Variants in CUBN observed in about 807,000 individuals in gnomAD.
CUBN encodes the protein cubilin, also known as 460 kDa receptor.
In CUBN, 282 loss-of-function variants were observed where a neutral mutation model predicts 405.3. That is an observed-to-expected ratio of 0.70 (90% CI 0.63 to 0.77). CUBN has a LOEUF of 0.77. Among genes scored for constraint, CUBN ranks in the 30% least tolerant of loss-of-function variants. The probability of loss-of-function intolerance (pLI) is 0.00; values close to 1 mark genes in which losing one functional copy is unlikely to be tolerated. For synonymous variants in CUBN, 1,684 were observed against 1,617.0 expected (o/e 1.04, Z -0.99); for missense variants, 4,514 against 4,475.2 (o/e 1.01, Z -0.25).
intron 45 of CUBN, among the ~76,000 whole-genome samples, chr10:16,917,391 G>A (rs1841913286): frequency 6.6e-6 from 1 of 151,998 alleles, no homozygotes; most frequent in Admixed American, 6.6e-5. Flanking sequence ...ATGGACCTAT[G>A]ATAAAGTTTG....
At chr10:16,924,820 T>C (rs1842134785) in intron 43 of CUBN, among the ~76,000 whole-genome samples, 1 of 152,136 alleles carries the variant, frequency 6.6e-6, no homozygotes. Context: ...AAAAATTATG[T>C]GTTCTTTTGA....
intron 59 of CUBN, among the ~76,000 whole-genome samples, chr10:16,856,577 T>G (rs1375215041): frequency 6.6e-6 from 1 of 152,232 alleles, no homozygotes; most frequent in Non-Finnish European, 1.5e-5. Flanking sequence ...TACATTCTCT[T>G]GGATAAAACA....
At chr10:17,048,997 TTGA>T (rs1835200562) in intron 22 of CUBN, among the ~76,000 whole-genome samples, 1 of 152,234 alleles carries the variant, frequency 6.6e-6, no homozygotes, top group Non-Finnish European at 1.5e-5. Context: ...CTTTACTTTA[TTGA>T]AGGAATTCAC....
chr10:17,012,519 C>A (rs1834213445), intron 28 of CUBN, among the ~76,000 whole-genome samples: 1 of 152,156 alleles, frequency 6.6e-6, no homozygotes, highest in African/African-American at 2.4e-5. Flanking sequence ...CCTTACTGGA[C>A]AGATTTTGTT....
intron 44 of CUBN, 55 bp downstream of exon 44, chr10:16,919,908 C>T (rs776084769): frequency 5.9e-5 from 91 of 1,555,188 alleles, no homozygotes; most frequent in South Asian, 2.6e-4. Context: ...TGAGACATGA[C>T]GGTTAAAAAA....
chr10:16,982,820 T>C (rs967459775), intron 30 of CUBN, among the ~76,000 whole-genome samples, 167 bp from the exon 31 acceptor site: 3 of 152,184 alleles, frequency 2.0e-5, no homozygotes, highest in Non-Finnish European at 4.4e-5. Context: ...CCCAACAGAA[T>C]AAGAAGGGAT....
chr10:16,836,299 C>T lies in CUBN; in HGVS notation c.10116G>A (p.Met3372Ile), dbSNP rs764190572. The T allele has an allele frequency of 6.2e-7, 1 of 1,613,426 alleles. No homozygotes were observed. Among genetic ancestry groups the T allele is most frequent in the Non-Finnish European group, 8.5e-7 (1 of 1,179,352 alleles). Residue 3372 changes from methionine to isoleucine, a missense_variant, in exon 63 of 67, where the codon ATG becomes ATA. Met to Ile is a conservative substitution (Grantham distance 10). This residue lies in a region of CUBN where 1,186 missense variants were observed against 1,186.9 expected (regional missense o/e 1.00). Transcript: ENST00000377833. ...TTACAACTCCAGATTTGAAAATGAC[C>T]ATTGCAGTACTCATAGAAGAATAAA... Reference protein sequence around the residue: ...PVFYSSMSTAMVIFKSGVVNR... With the variant: ...PVFYSSMSTAIVIFKSGVVNR...
In CUBN at chr10:17,084,294, C is replaced by G. The variant is rs1836046545; in HGVS notation, c.2278G>C (p.Asp760His). The G allele has an allele frequency of 6.2e-7, 1 of 1,613,954 alleles. No homozygotes were observed. Among genetic ancestry groups the G allele is most frequent in the Non-Finnish European group, 8.5e-7 (1 of 1,180,040 alleles). The change falls in exon 17 of 67, where the codon GAC becomes CAC. Residue 760 changes from aspartate (D) to histidine (H), a missense_variant. Transcript: ENST00000377833. Reference protein sequence around the residue: ...FTHVELQCQSDSSQNYIEVRD... With the variant: ...FTHVELQCQSHSSQNYIEVRD... Reference sequence around the variant, plus strand: ...ACCTCAATGTAATTCTGAGAACTGTCACTCTGGCATTGCAGCTCCACGTGG... The same window carrying G: ...ACCTCAATGTAATTCTGAGAACTGTGACTCTGGCATTGCAGCTCCACGTGG...
At chr10:16,916,190 G>A (rs913889243) in intron 45 of CUBN, among the ~76,000 whole-genome samples, 160 bp from the exon 46 acceptor site, 6 of 152,204 alleles carry the variant, frequency 3.9e-5, no homozygotes, top group African/African-American at 1.4e-4. Context: ...AAAACGGTTA[G>A]TGCTTTCCTC....
At chr10:17,127,313 T>G (rs1837221677) in intron 3 of CUBN, among the ~76,000 whole-genome samples, 1 of 145,330 alleles carries the variant, frequency 6.9e-6, no homozygotes, top group Non-Finnish European at 1.5e-5. Flanking sequence ...TTGCCTGGGC[T>G]GGAGCACAGT....
rs373456122 is a variant in CUBN at position 17,105,551 on chromosome 10, A to T, written c.1136T>A (p.Leu379His). The change falls in exon 11 of 67, where the codon CTC becomes CAC. Residue 379 changes from leucine (L) to histidine (H), a missense_variant. Coordinates refer to ENST00000377833, the MANE Select transcript of CUBN (RefSeq NM_001081.4). ...TLGSLPLCTC[L>H]PGYTGNGYGP... The stretch of plus-strand genomic sequence containing the variant: ...ATAACCATTTCCAGTATAACCCGGG[A>T]GACACGTGCAGAGAGGTAAGGAACC... The T allele has an allele frequency of 8.1e-6, 13 of 1,606,582 alleles. No homozygotes were observed. Among genetic ancestry groups the T allele is most frequent in the Non-Finnish European group, 1.1e-5 (13 of 1,173,154 alleles).
intron 36 of CUBN, 102 bp downstream of exon 36, chr10:16,947,133 T>C (rs1325292420): frequency 3.9e-6 from 5 of 1,272,720 alleles, no homozygotes; most frequent in Non-Finnish European, 5.7e-6. Context: ...AAATACTTCC[T>C]AAATTTCACG....
rs1389016955 is a variant in CUBN, at chr10:17,067,127, C to A, written c.3008+937G>T. 4.6e-5 allele frequency among the ~76,000 whole-genome samples: 7 copies of A among 152,130 alleles called. No homozygotes were observed. The South Asian group carries it at 1.0e-3, about 23-fold the overall frequency. On this transcript the variant is annotated intron_variant, in intron 21 of 66. Transcript: ENST00000377833. Reference sequence around the variant, plus strand: ...GTCTGGTATCCCACTGAATATTACCCAGACATGAAAAGACGTGGGAAAGTA... The same window carrying A: ...GTCTGGTATCCCACTGAATATTACCAAGACATGAAAAGACGTGGGAAAGTA...
chr10:16,886,623 C>T (rs1840822587), intron 56 of CUBN, among the ~76,000 whole-genome samples: 1 of 152,150 alleles, frequency 6.6e-6, no homozygotes, highest in African/African-American at 2.4e-5. Flanking sequence ...CTCTACTGTT[C>T]CCTCTGCCAA....
chr10:16,851,922 C>T (rs1297622136), intron 59 of CUBN, among the ~76,000 whole-genome samples: 1 of 133,220 alleles, frequency 7.5e-6, no homozygotes, highest in Admixed American at 7.2e-5. Context: ...CTTTCCCTCC[C>T]TCCCTCTATC....
chr10:16,981,178 GAC>G (rs1401865880), intron 31 of CUBN, among the ~76,000 whole-genome samples: 4 of 145,336 alleles, frequency 2.8e-5, no homozygotes, highest in East Asian at 2.0e-4. Context: ...AGACTCAGCA[GAC>G]ACACACACAC....
intron 6 of CUBN, among the ~76,000 whole-genome samples, chr10:17,120,704 A>C (rs1046803105): frequency 1.8e-4 from 27 of 152,218 alleles, no homozygotes; most frequent in African/African-American, 6.5e-4. Context: ...GTAAATAGTA[A>C]AAGGGTTTTT....
chr10:16,986,325 C>A (rs568768175), intron 29 of CUBN, among the ~76,000 whole-genome samples: 1 of 151,678 alleles, frequency 6.6e-6, no homozygotes, highest in South Asian at 2.1e-4. Flanking sequence ...GCACCCCCGG[C>A]CCTTGCCCAC....
intron 31 of CUBN, among the ~76,000 whole-genome samples, chr10:16,980,392 G>T (rs897685236): frequency 2.0e-5 from 3 of 152,182 alleles, no homozygotes; most frequent in African/African-American, 7.2e-5. Context: ...AGATGCACAC[G>T]TATGTTTACT....
Sources: allele counts gnomAD v4.1 joint callset (sites outside exome capture counted in the v4.1 genomes callset), GRCh38; gene constraint gnomAD v4.1.1; regional missense constraint gnomAD v4.1.1; transcripts MANE v1.5; gene names NCBI Gene and HGNC (gene_info 2026-07-23, HGNC 2026-07-21).